Variants in ZNF536 observed in about 807,000 individuals in gnomAD.
ZNF536 encodes zinc finger protein 536.
Under a neutral mutation model 84.5 loss-of-function variants are expected in ZNF536, and 13 were observed. The observed-to-expected ratio is 0.15, with a 90% CI of 0.10 to 0.24. The LOEUF is 0.24. ZNF536 is among the 10% of genes least tolerant of loss of function. The pLI, the probability that ZNF536 is intolerant of heterozygous loss-of-function variation, is 1.00. For synonymous variants in ZNF536, 811 were observed against 742.5 expected (o/e 1.09, Z -1.50); for missense variants, 1,536 against 1,747.5 (o/e 0.88, Z 2.16).
chr19:30,262,454 C>G (rs1350519131), intron 1 of ZNF536, among the ~76,000 whole-genome samples: 1 of 152,214 alleles, frequency 6.6e-6, no homozygotes, highest in Non-Finnish European at 1.5e-5. Flanking sequence ...TGATGGCAGT[C>G]TTTGCTCCTG....
intron 1 of ZNF536, among the ~76,000 whole-genome samples, chr19:30,643,989 C>T (rs537720921): frequency 2.0e-5 from 3 of 152,276 alleles, no homozygotes; most frequent in African/African-American, 4.8e-5. Flanking sequence ...ATTGATTTCA[C>T]GTTTCGATCT....
intron 2 of ZNF536, among the ~76,000 whole-genome samples, chr19:30,496,089 G>A (rs964138666): frequency 5.3e-5 from 8 of 152,096 alleles, no homozygotes; most frequent in South Asian, 2.1e-4. Flanking sequence ...TCCACTCTCC[G>A]GGCGTTCCTG....
intron 2 of ZNF536, among the ~76,000 whole-genome samples, chr19:30,460,281 G>A (rs567947750): frequency 3.3e-4 from 51 of 152,324 alleles, no homozygotes; most frequent in African/African-American, 1.1e-3. Flanking sequence ...TCCCGTGGCC[G>A]AATGTGACAG....
chr19:30,666,293 G>A (rs1210673685), intron 1 of ZNF536, among the ~76,000 whole-genome samples: 2 of 152,194 alleles, frequency 1.3e-5, no homozygotes, highest in Admixed American at 1.3e-4. Context: ...CTTTGATGAG[G>A]TGGCTCAGGC....
intron 2 of ZNF536, among the ~76,000 whole-genome samples, chr19:30,458,411 G>A (rs914474528): frequency 7.7e-5 from 11 of 143,596 alleles, no homozygotes; most frequent in East Asian, 2.0e-4. Flanking sequence ...GAGAATTAAC[G>A]TTCCTAGGGT....
chr19:30,380,037 C>A (rs1462327720), intron 1 of ZNF536, among the ~76,000 whole-genome samples: 1 of 152,134 alleles, frequency 6.6e-6, no homozygotes, highest in Non-Finnish European at 1.5e-5. Flanking sequence ...GAGCCCAGGC[C>A]ACCACCGCCG....
chr19:30,320,611 G>A (rs1446240291), intron 2 of ZNF536, among the ~76,000 whole-genome samples: 1 of 152,238 alleles, frequency 6.6e-6, no homozygotes, highest in East Asian at 1.9e-4. Context: ...CGCAGCCCAC[G>A]GAGCCCCCGT....
At position 30,419,779 on chromosome 19, in the gene ZNF536, G is replaced by A. The variant is rs375810005; in HGVS notation, c.-2-23782G>A. 5.3e-5 allele frequency among the ~76,000 whole-genome samples: 8 copies of A among 152,176 alleles called. No individual in the cohort carries two copies. The East Asian group carries it at 5.8e-4, about 11-fold the overall frequency. ...TGCTCACATCTGGGGAGGCTTTGGC[G>A]TGAGGCTTCTCTCACCATGGCTCTC... On this transcript the variant is annotated intron_variant, in intron 1 of 4. Coordinates refer to ENST00000355537, the MANE Select transcript of ZNF536 (RefSeq NM_014717.3).
At chr19:30,653,011 T>A (rs2049767043) in intron 1 of ZNF536, among the ~76,000 whole-genome samples, 1 of 152,180 alleles carries the variant, frequency 6.6e-6, no homozygotes, top group Non-Finnish European at 1.5e-5. Context: ...CAGGACCGAA[T>A]GGCGGCTATT....
chr19:30,674,780 T>C (rs1049262778), intron 1 of ZNF536, among the ~76,000 whole-genome samples: 2 of 152,148 alleles, frequency 1.3e-5, no homozygotes, highest in East Asian at 1.9e-4. Flanking sequence ...GTGTTCTTGG[T>C]TGGTATTCGA....
Position 30,310,190 on chromosome 19 carries a change from G to A in ZNF536, c.-120+26049G>A, listed in dbSNP as rs895754928. On this transcript the variant is annotated intron_variant, in intron 2 of 5. Coordinates refer to the ZNF536 transcript ENST00000585628. Reference sequence around the variant, plus strand: ...TGGAGCAAAGACTGTGTCAAATGAAGGTACGCCAGCCCCGCGTTATAAAAA... The same window carrying A: ...TGGAGCAAAGACTGTGTCAAATGAAAGTACGCCAGCCCCGCGTTATAAAAA... Among the ~76,000 whole-genome samples the A allele has an allele frequency of 2.6e-5, 4 of 152,302 alleles. No individual in the cohort carries two copies. In the East Asian group the frequency reaches 5.8e-4, roughly 22 times the overall value.
At chr19:30,399,027 C>T (rs2049938535) in intron 1 of ZNF536, among the ~76,000 whole-genome samples, 1 of 152,166 alleles carries the variant, frequency 6.6e-6, no homozygotes, top group Non-Finnish European at 1.5e-5. Flanking sequence ...ATTTACACTC[C>T]CACCAACAGT....
At chr19:30,547,459 C>G (rs1198198267) in intron 3 of ZNF536, among the ~76,000 whole-genome samples, 1 of 152,158 alleles carries the variant, frequency 6.6e-6, no homozygotes, top group Non-Finnish European at 1.5e-5. Flanking sequence ...CAGAGCAAGA[C>G]TTAAATCATT....
chr19:30,575,438 G>T (rs150175082), intron 1 of ZNF536, among the ~76,000 whole-genome samples: 2 of 152,152 alleles, frequency 1.3e-5, no homozygotes, highest in African/African-American at 4.8e-5. Flanking sequence ...GATCCTGCCC[G>T]CCCAGGTGGC....
At chr19:30,566,116 T>C (rs910177342) in intron 1 of ZNF536, among the ~76,000 whole-genome samples, 7 of 152,244 alleles carry the variant, frequency 4.6e-5, no homozygotes, top group Non-Finnish European at 8.8e-5. Flanking sequence ...AAATCAGTCG[T>C]GGCCTTTGGG....
At chr19:30,571,048 C>T (rs775792683) in intron 1 of ZNF536, among the ~76,000 whole-genome samples, 1 of 152,292 alleles carries the variant, frequency 6.6e-6, no homozygotes, top group Non-Finnish European at 1.5e-5. Context: ...TAACTGGCCC[C>T]ACATCGACAC....
At chr19:30,484,770 G>A (rs527574421) in intron 2 of ZNF536, among the ~76,000 whole-genome samples, 7 of 151,814 alleles carry the variant, frequency 4.6e-5, no homozygotes, top group South Asian at 2.1e-4. Context: ...TGGGACTCAG[G>A]AAAGTGGGGG....
chr19:30,374,688 TTG>T (rs886972167), intron 1 of ZNF536, among the ~76,000 whole-genome samples: 1 of 6,218 alleles, frequency 1.6e-4, no homozygotes, highest in African/African-American at 7.6e-4. Flanking sequence ...AAACTGAGTG[TTG>T]TTTTTTTTTC....
intron 1 of ZNF536, among the ~76,000 whole-genome samples, chr19:30,258,695 ATATTTATTTATTTATT>A (rs10554010): frequency 1.5e-4 from 22 of 146,618 alleles, no homozygotes; most frequent in African/African-American, 4.2e-4. Context: ...TATTTTTTAA[ATATTTATTTATTTATT>A]TATTTATTTA....
Sources: allele counts gnomAD v4.1 joint callset (sites outside exome capture counted in the v4.1 genomes callset), GRCh38; gene constraint gnomAD v4.1.1; transcripts MANE v1.5; gene names NCBI Gene and HGNC (gene_info 2026-07-23, HGNC 2026-07-21).